Variants in RBM47 observed in about 807,000 individuals in gnomAD.
RBM47 encodes RNA binding motif protein 47, also known as RNA-binding protein 47.
RBM47 carries 21 observed loss-of-function variants against 47.1 expected under a neutral mutation model. The ratio of observed to expected loss-of-function variants is 0.45; its 90% CI spans 0.32 to 0.64. The LOEUF (loss-of-function observed/expected upper bound fraction) is 0.64, where lower values mean the gene tolerates loss of function less well. RBM47 is among the 30% of genes least tolerant of loss of function. RBM47 has a pLI of 0.05. For missense variants in RBM47, 708 were observed against 870.9 expected, an observed-to-expected ratio of 0.81 and a Z score of 2.35; for synonymous variants, 375 against 361.7, an observed-to-expected ratio of 1.04 and a Z score of -0.42.
intron 5 of RBM47, among the ~76,000 whole-genome samples, chr4:40,435,422 G>A (rs1432904242): frequency 6.6e-6 from 1 of 151,990 alleles, no homozygotes; most frequent in African/African-American, 2.4e-5. Flanking sequence ...GGTGGTGCGC[G>A]CCTGTAGTTC....
chr4:40,560,564 A>G (rs1730511264), intron 1 of RBM47, among the ~76,000 whole-genome samples: 1 of 152,242 alleles, frequency 6.6e-6, no homozygotes, highest in Non-Finnish European at 1.5e-5. Flanking sequence ...GGAAGCCAGG[A>G]GGTGACCTCC....
At chr4:40,470,908 A>G (rs1718759813) in intron 2 of RBM47, among the ~76,000 whole-genome samples, 2 of 152,010 alleles carry the variant, frequency 1.3e-5, no homozygotes, top group Non-Finnish European at 2.9e-5. Flanking sequence ...ACACCTGGCT[A>G]ATTTTTGTAT....
chr4:40,505,474 TAA>T lies in RBM47; in HGVS notation c.-154-38777_-154-38776del, dbSNP rs75559123. On this transcript the variant is annotated intron_variant, in intron 2 of 6. Coordinates refer to ENST00000295971, the MANE Select transcript of RBM47 (RefSeq NM_001098634.2). ...CTGGGTGACACAGTAAGACTTCATC[TAA>T]AAAAAAAAAAAAAAGTGTAAAAAAA... 9.2e-3 allele frequency among the ~76,000 whole-genome samples: 979 copies of T among 105,960 alleles called. 14 individuals carry two copies. Among genetic ancestry groups the T allele is most frequent in the African/African-American group, 0.029 (844 of 28,870 alleles). The allele number at this position is 105,960 out of a possible 152,430, so 69.5% of individuals were successfully genotyped here. A position where few individuals can be genotyped will look rare whatever the true frequency, so the allele number is the denominator to read the frequency against.
At chr4:40,576,327 A>C (rs536342663) in intron 1 of RBM47, among the ~76,000 whole-genome samples, 3 of 151,506 alleles carry the variant, frequency 2.0e-5, no homozygotes, top group African/African-American at 7.3e-5. Context: ...TTTTTTAAAA[A>C]AATTTTTTTG....
chr4:40,430,272 C>T (rs774288655), intron 6 of RBM47, among the ~76,000 whole-genome samples: 4 of 151,836 alleles, frequency 2.6e-5, no homozygotes, highest in Non-Finnish European at 5.9e-5. Context: ...CTGATGGCAA[C>T]AGCCAGTGCG....
chr4:40,606,351 G>A (rs1271896813), intron 1 of RBM47, among the ~76,000 whole-genome samples: 1 of 151,924 alleles, frequency 6.6e-6, no homozygotes, highest in Admixed American at 6.6e-5. Flanking sequence ...TGGGAAATGT[G>A]GTCTCGGTAA....
chr4:40,490,817 GC>G (rs923745678), intron 2 of RBM47, among the ~76,000 whole-genome samples: 7 of 151,898 alleles, frequency 4.6e-5, no homozygotes, highest in African/African-American at 1.7e-4. Context: ...AAGACTGAAC[GC>G]TGCTAAAATG....
At chr4:40,545,389 C>A (rs976138737) in intron 1 of RBM47, among the ~76,000 whole-genome samples, 5 of 147,170 alleles carry the variant, frequency 3.4e-5, no homozygotes, top group African/African-American at 4.9e-5. Context: ...AGAGGCCAGG[C>A]GCAGTGGCTC....
intron 1 of RBM47, among the ~76,000 whole-genome samples, chr4:40,614,951 G>A (rs1285848083): frequency 2.6e-5 from 4 of 151,864 alleles, no homozygotes; most frequent in South Asian, 2.1e-4. Context: ...TACTTCTCAC[G>A]GGTGGTTTGT....
At chr4:40,555,357 G>A (rs577562093) in intron 1 of RBM47, among the ~76,000 whole-genome samples, 13 of 152,278 alleles carry the variant, frequency 8.5e-5, no homozygotes, top group South Asian at 6.2e-4. Flanking sequence ...GTGAGTCACC[G>A]CACCCAGCCC....
At chr4:40,601,295 A>C (rs1735264206) in intron 1 of RBM47, among the ~76,000 whole-genome samples, 1 of 152,178 alleles carries the variant, frequency 6.6e-6, no homozygotes, top group African/African-American at 2.4e-5. Flanking sequence ...ACTATAAATG[A>C]GTGCCTGGCC....
intron 1 of RBM47, among the ~76,000 whole-genome samples, chr4:40,600,985 C>CAAAAAAAAAAAAAAAAAAAAAAAAAAA (rs56054491): frequency 2.8e-4 from 14 of 50,108 alleles, no homozygotes; most frequent in Non-Finnish European, 3.8e-4. Flanking sequence ...AACTCCGTCT[C>CAAAAAAAAAAAAAAAAAAAAAAAAAAA]AAAAAAAAAA....
At chr4:40,464,041 A>G (rs1335772220) in intron 3 of RBM47, among the ~76,000 whole-genome samples, 1 of 152,146 alleles carries the variant, frequency 6.6e-6, no homozygotes, top group Admixed American at 6.6e-5. Context: ...TCAAATACCC[A>G]AGCAAAGATT....
intron 3 of RBM47, among the ~76,000 whole-genome samples, chr4:40,452,529 G>C (rs978036086): frequency 6.6e-6 from 1 of 152,162 alleles, no homozygotes; most frequent in African/African-American, 2.4e-5. Flanking sequence ...GGAGGCCTGA[G>C]TAGTGTTTAT....
intron 3 of RBM47, among the ~76,000 whole-genome samples, chr4:40,440,346 G>A (rs978745334): frequency 4.6e-5 from 7 of 152,088 alleles, no homozygotes; most frequent in African/African-American, 1.7e-4. Flanking sequence ...GCTACTTTAT[G>A]TTATAAGCAT....
At chr4:40,533,836 A>G (rs139367146) in intron 2 of RBM47, among the ~76,000 whole-genome samples, 41 of 142,014 alleles carry the variant, frequency 2.9e-4, no homozygotes, top group African/African-American at 9.2e-4. Context: ...TTTTTTTGAG[A>G]TGGAGTTTTA....
At chr4:40,489,948 CTG>C (rs1267978145) in intron 2 of RBM47, among the ~76,000 whole-genome samples, 1 of 152,182 alleles carries the variant, frequency 6.6e-6, no homozygotes, top group Non-Finnish European at 1.5e-5. Context: ...ATGACCAAGT[CTG>C]ATTTAACCCA....
intron 2 of RBM47, among the ~76,000 whole-genome samples, chr4:40,487,357 G>A (rs1224281771): frequency 1.3e-5 from 2 of 152,018 alleles, no homozygotes; most frequent in African/African-American, 2.4e-5. Context: ...GTGCAGTGGC[G>A]CGATCTCGGC....
intron 1 of RBM47, among the ~76,000 whole-genome samples, chr4:40,609,086 G>A (rs1236842505): frequency 6.6e-6 from 1 of 151,974 alleles, no homozygotes; most frequent in Non-Finnish European, 1.5e-5. Flanking sequence ...TCCGCCTACC[G>A]GGTTCAAGTG....
Sources: gnomAD v4.1 joint callset for allele counts (sites outside exome capture counted in the v4.1 genomes callset) on GRCh38, gnomAD v4.1.1 for gene constraint, MANE v1.5 for transcripts, NCBI Gene and HGNC (gene_info 2026-07-23, HGNC 2026-07-21) for gene names.